The following ZNF592 variants were observed in gnomAD, a reference collection of about 807,000 sequenced individuals.
The protein encoded by ZNF592 is zinc finger protein 592.
Under a neutral mutation model 80.3 loss-of-function variants are expected in ZNF592, and 11 were observed. That is an observed-to-expected ratio of 0.14 (90% confidence interval 0.09 to 0.23). The LOEUF (loss-of-function observed/expected upper bound fraction) is 0.23, where lower values mean the gene tolerates loss of function less well. Among genes scored for constraint, ZNF592 ranks in the 10% least tolerant of loss-of-function variants. The probability of loss-of-function intolerance (pLI) is 1.00; values close to 1 mark genes in which losing one functional copy is unlikely to be tolerated. For missense variants in ZNF592, 1,420 were observed against 1,633.9 expected (o/e 0.87, Z 2.26); for synonymous variants, 646 against 640.3 (o/e 1.01, Z -0.13).
intron 10 of ZNF592, among the ~76,000 whole-genome samples, 179 bp from the exon 11 acceptor site, chr15:84,801,684 A>G (rs1963099144): frequency 6.6e-6 from 1 of 152,204 alleles, no homozygotes; most frequent in Non-Finnish European, 1.5e-5. Flanking sequence ...ATTGTGACAC[A>G]TGCATATGTT....
At chr15:84,777,214 C>T (rs1172998956) in intron 2 of ZNF592, among the ~76,000 whole-genome samples, 4 of 151,552 alleles carry the variant, frequency 2.6e-5, no homozygotes, top group South Asian at 2.1e-4. Flanking sequence ...CAGTTGCTCA[C>T]GCCTGTAATC....
At chr15:84,789,839 G>T (rs976671796) in intron 4 of ZNF592, among the ~76,000 whole-genome samples, 2 of 152,160 alleles carry the variant, frequency 1.3e-5, no homozygotes, top group African/African-American at 2.4e-5. Context: ...AGTAGGACAG[G>T]TGTCCCCTTT....
Position 84,798,121 on chromosome 15 carries a change from G to T in ZNF592, c.2576+76G>T, listed in dbSNP as rs1210714763. ...CTGGGTGCTGTAGGGGGTGGCATAG[G>T]GATGGGTGAGGGAGCTGGGGTTAGT... On this transcript the variant is annotated intron_variant, in intron 6 of 10. Coordinates refer to ENST00000560079, the MANE Select transcript of ZNF592 (RefSeq NM_014630.3). This position sits in a 1 kb window ranked among gnomAD's most constrained non-coding sequence, Gnocchi z 4.5. The T allele has an allele frequency of 6.3e-7, 1 of 1,587,740 alleles. No homozygotes were observed. Among genetic ancestry groups the T allele is most frequent in the African/African-American group, 1.3e-5 (1 of 74,428 alleles).
intron 2 of ZNF592, among the ~76,000 whole-genome samples, chr15:84,775,582 A>G (rs1962224546): frequency 6.6e-6 from 1 of 152,036 alleles, no homozygotes; most frequent in South Asian, 2.1e-4. Context: ...GCAGGTGCAC[A>G]CCACCATGCC....
chr15:84,782,570 T>C (rs1469229753), intron 3 of ZNF592, 87 bp from the exon 4 acceptor site: 3 of 1,229,788 alleles, frequency 2.4e-6, no homozygotes, highest in Non-Finnish European at 3.6e-6. Flanking sequence ...GTGCTGGCTG[T>C]GTGTGCATTA....
intron 1 of ZNF592, among the ~76,000 whole-genome samples, chr15:84,763,048 A>G (rs1899398177): frequency 6.6e-6 from 1 of 152,190 alleles, no homozygotes; most frequent in Admixed American, 6.5e-5. Flanking sequence ...TTTGTGCCCT[A>G]TTCAGTAGCA....
intron 5 of ZNF592, 83 bp downstream of exon 5, chr15:84,790,966 G>T (rs1962730515): frequency 6.4e-7 from 1 of 1,558,544 alleles, no homozygotes; most frequent in Middle Eastern, 2.1e-4. Context: ...AGATAGTTTT[G>T]GTCTTAAGAG....
Position 84,783,203 on chromosome 15 carries a change from G to T in ZNF592, c.528G>T (p.Gly176=), listed in dbSNP as rs1249474050. ...ATTTCCCACCCCCTCTTGGGTGCGG[G>T]GCTGTGGGAGGCCCAGTCCTGGAGG... ...DSYFPPPLGC[G]AVGGPVLEAL... is the part of the protein sequence containing the mutation. The change falls in exon 4 of 11, where the codon GGG becomes GGT. Residue 176 remains glycine, a synonymous_variant. Transcript: ENST00000560079. The surrounding 1 kb of genome is among the most constrained non-coding windows in gnomAD (Gnocchi z 5.0). The T allele has an allele frequency of 6.2e-7, 1 of 1,614,220 alleles. No homozygotes were observed. Among genetic ancestry groups the T allele is most frequent in the South Asian group, 1.1e-5 (1 of 91,088 alleles).
chr15:84,751,404 T>G (rs1899009378), intron 1 of ZNF592, among the ~76,000 whole-genome samples: 1 of 152,154 alleles, frequency 6.6e-6, no homozygotes, highest in South Asian at 2.1e-4. Context: ...ACCACTGAAG[T>G]TTGCATTTTG....
chr15:84,796,256 A>ATTT (rs1962909552), intron 5 of ZNF592, among the ~76,000 whole-genome samples: 7 of 24,818 alleles, frequency 2.8e-4, no homozygotes, highest in African/African-American at 7.9e-4. Flanking sequence ...ATATATATAT[A>ATTT]TATATATATT....
intron 4 of ZNF592, among the ~76,000 whole-genome samples, chr15:84,789,730 C>T (rs950545725): frequency 4.6e-5 from 7 of 152,166 alleles, no homozygotes; most frequent in African/African-American, 1.2e-4. Context: ...TTTTAATGCT[C>T]ATGTTATCCT....
intron 1 of ZNF592, among the ~76,000 whole-genome samples, chr15:84,749,158 C>A (rs79515733): frequency 0.017 from 2,632 of 152,344 alleles, 77 homozygotes; most frequent in African/African-American, 0.06. Flanking sequence ...CTCCCCTGAG[C>A]CCAAGTTCTG....
rs1176019167 is a variant in ZNF592 at position 84,805,959 on chromosome 15, ATAG to A, written c.*3570_*3572del. On this transcript the variant is annotated 3_prime_UTR_variant, in exon 11 of 11. Coordinates refer to ENST00000560079, the MANE Select transcript of ZNF592 (RefSeq NM_014630.3). Reference sequence around the variant, plus strand: ...ATTTATATATCTATTTTTAATACAAATAGTAGAATTCTATACACAGTGTTCTGA... The same window carrying A: ...ATTTATATATCTATTTTTAATACAAATAGAATTCTATACACAGTGTTCTGA... 2.0e-5 allele frequency: 3 copies of A among 152,634 alleles called. No individual in the cohort carries two copies. The highest frequency in any genetic ancestry group is 6.5e-5 in the Admixed American group (1 of 15,280). 9.5% of individuals were successfully genotyped at this position (152,634 alleles called of 1,614,324 possible). A position where few individuals can be genotyped will look rare whatever the true frequency, so the allele number is the denominator to read the frequency against.
intron 5 of ZNF592, among the ~76,000 whole-genome samples, chr15:84,793,439 T>C (rs12595786): frequency 0.52 from 79,366 of 152,134 alleles, 21,302 homozygotes; most frequent in East Asian, 0.79. Flanking sequence ...TATTTTCTTA[T>C]GTACAAGTAA....
chr15:84,797,114 C>T (rs573215907), intron 5 of ZNF592, among the ~76,000 whole-genome samples: 1 of 152,244 alleles, frequency 6.6e-6, no homozygotes, highest in African/African-American at 2.4e-5. Flanking sequence ...GCACGTGCCA[C>T]CATGCCCACT....
intron 4 of ZNF592, among the ~76,000 whole-genome samples, chr15:84,786,807 G>A (rs534501919): frequency 7.3e-5 from 11 of 151,520 alleles, no homozygotes; most frequent in African/African-American, 2.7e-4. Context: ...CTGATGCCTG[G>A]GCCTGGGATT....
intron 4 of ZNF592, among the ~76,000 whole-genome samples, chr15:84,790,379 T>C (rs998175641): frequency 6.6e-6 from 1 of 152,084 alleles, no homozygotes; most frequent in Non-Finnish European, 1.5e-5. Context: ...GAATTCAAGA[T>C]GTGCTTTAGG....
chr15:84,797,071 CT>C (rs1437620823), intron 5 of ZNF592, among the ~76,000 whole-genome samples: 3 of 152,192 alleles, frequency 2.0e-5, no homozygotes, highest in Non-Finnish European at 4.4e-5. Flanking sequence ...TCAAGCAATT[CT>C]GCCTCAGCCA....
In ZNF592 at chr15:84,768,230, CTTTT is replaced by C. The variant is rs995969490; in HGVS notation, c.-150+3432_-150+3435del. 2.0e-3 allele frequency among the ~76,000 whole-genome samples: 246 copies of C among 122,322 alleles called. 2 individuals are homozygous for C. In the East Asian group the frequency reaches 0.029, roughly 14 times the overall value. The allele number at this position is 122,322 out of a possible 152,430, so 80.2% of individuals were successfully genotyped here. A position where few individuals can be genotyped will look rare whatever the true frequency, so the allele number is the denominator to read the frequency against. ...TTTCCTTTTCTTTCTTTCTTTCTTT[CTTTT>C]TTTTTTTTTTTTTTTTGAGACAGTT... On this transcript the variant is annotated intron_variant, in intron 2 of 10. Transcript: ENST00000560079.
Sources: gnomAD v4.1 joint callset for allele counts (sites outside exome capture counted in the v4.1 genomes callset) on GRCh38, gnomAD v4.1.1 for gene constraint, Gnocchi (gnomAD v3.1) non-coding constraint, MANE v1.5 for transcripts, NCBI Gene and HGNC (gene_info 2026-07-23, HGNC 2026-07-21) for gene names.